Variants in RSRC1 observed in about 807,000 individuals in gnomAD.
RSRC1 encodes serine/Arginine-related protein 53.
RSRC1 carries 39 observed loss-of-function variants against 49.1 expected under a neutral mutation model. That is an observed-to-expected ratio of 0.79 (90% CI 0.61 to 1.04). The LOEUF (loss-of-function observed/expected upper bound fraction) is 1.04. Among genes scored for constraint, RSRC1 ranks in the 50% least tolerant of loss-of-function variants. The pLI, the probability that RSRC1 is intolerant of heterozygous loss-of-function variation, is 0.00. For synonymous variants in RSRC1, 143 were observed against 130.8 expected, an observed-to-expected ratio of 1.09 and a Z score of -0.63; for missense variants, 388 against 402.4, an observed-to-expected ratio of 0.96 and a Z score of 0.31.
At chr3:158,408,093 A>T (rs140745431) in intron 6 of RSRC1, among the ~76,000 whole-genome samples, 52 of 152,278 alleles carry the variant, frequency 3.4e-4, no homozygotes, top group African/African-American at 1.2e-3. Context: ...TCAGGGAATG[A>T]TATACAGTGT....
intron 6 of RSRC1, among the ~76,000 whole-genome samples, chr3:158,414,511 G>A (rs1382923327): frequency 6.6e-6 from 1 of 152,216 alleles, no homozygotes; most frequent in East Asian, 1.9e-4. Context: ...GTTTACCTGT[G>A]TAACAAACCT....
chr3:158,280,174 G>A (rs1476328517), intron 4 of RSRC1, among the ~76,000 whole-genome samples: 2 of 151,988 alleles, frequency 1.3e-5, no homozygotes, highest in Non-Finnish European at 2.9e-5. Flanking sequence ...CACCGAATTT[G>A]GAATGGTATT....
At chr3:158,542,057 G>GTA (rs1409049930) in intron 8 of RSRC1, among the ~76,000 whole-genome samples, 1 of 151,988 alleles carries the variant, frequency 6.6e-6, no homozygotes, top group Non-Finnish European at 1.5e-5. Context: ...AAGATACATC[G>GTA]TACCTTTTTT....
At chr3:158,192,747 G>A (rs1720319976) in intron 3 of RSRC1, among the ~76,000 whole-genome samples, 1 of 152,016 alleles carries the variant, frequency 6.6e-6, no homozygotes, top group Non-Finnish European at 1.5e-5. Context: ...TCAGGACTTG[G>A]ATGATAGGTG....
At chr3:158,450,442 G>A (rs550104573) in intron 6 of RSRC1, among the ~76,000 whole-genome samples, 1 of 151,112 alleles carries the variant, frequency 6.6e-6, no homozygotes, top group East Asian at 2.0e-4. Flanking sequence ...GGACGCATAT[G>A]GTGTTTGAGG....
intron 4 of RSRC1, among the ~76,000 whole-genome samples, chr3:158,256,783 C>A (rs1724585608): frequency 6.6e-6 from 1 of 152,100 alleles, no homozygotes; most frequent in Admixed American, 6.6e-5. Flanking sequence ...TCAAGTTCGT[C>A]CTGGTTTAGT....
chr3:158,221,345 T>C (rs1054924169), intron 4 of RSRC1, among the ~76,000 whole-genome samples: 8 of 151,498 alleles, frequency 5.3e-5, no homozygotes, highest in African/African-American at 1.9e-4. Flanking sequence ...TCTAGCTTTA[T>C]AGGCTGCTTT....
At chr3:158,410,105 T>C (rs1428346571) in intron 6 of RSRC1, among the ~76,000 whole-genome samples, 5 of 152,110 alleles carry the variant, frequency 3.3e-5, no homozygotes, top group Non-Finnish European at 7.4e-5. Context: ...GTAATGAAGT[T>C]ACTATTTTTT....
intron 4 of RSRC1, among the ~76,000 whole-genome samples, chr3:158,242,997 G>A (rs1156318847): frequency 1.3e-5 from 2 of 152,124 alleles, no homozygotes; most frequent in Non-Finnish European, 2.9e-5. Context: ...CATTCTGTAG[G>A]TTGTCTGTTT....
At chr3:158,272,685 A>G (rs1196241114) in intron 4 of RSRC1, among the ~76,000 whole-genome samples, 1 of 152,074 alleles carries the variant, frequency 6.6e-6, no homozygotes, top group African/African-American at 2.4e-5. Context: ...AAATAGTTGC[A>G]AAACAGAATA....
chr3:158,403,129 T>C (rs1255062459), intron 6 of RSRC1, among the ~76,000 whole-genome samples: 1 of 151,878 alleles, frequency 6.6e-6, no homozygotes. Flanking sequence ...TTTTAACTTC[T>C]AGTTTCTCTG....
chr3:158,177,698 C>T (rs911071377), intron 3 of RSRC1, among the ~76,000 whole-genome samples: 7 of 152,126 alleles, frequency 4.6e-5, no homozygotes, highest in Admixed American at 3.9e-4. Flanking sequence ...ATGTAAATGA[C>T]GAGTTGATGG....
At chr3:158,293,229 A>G (rs908787276) in intron 4 of RSRC1, among the ~76,000 whole-genome samples, 6 of 152,056 alleles carry the variant, frequency 3.9e-5, no homozygotes, top group Admixed American at 3.9e-4. Context: ...TAAGTCCCTG[A>G]CTCTCATATA....
intron 5 of RSRC1, among the ~76,000 whole-genome samples, chr3:158,334,706 A>C (rs1729784537): frequency 6.9e-6 from 1 of 144,326 alleles, no homozygotes; most frequent in African/African-American, 2.6e-5. Context: ...GTTTTAGTAG[A>C]GACAGGGTTT....
intron 6 of RSRC1, among the ~76,000 whole-genome samples, chr3:158,403,664 A>T (rs1054323707): frequency 6.6e-6 from 1 of 151,774 alleles, no homozygotes; most frequent in Non-Finnish European, 1.5e-5. Flanking sequence ...ATTTTAAATA[A>T]ATGAAAATTA....
intron 6 of RSRC1, among the ~76,000 whole-genome samples, chr3:158,426,612 A>G (rs566338132): frequency 6.6e-6 from 1 of 151,794 alleles, no homozygotes; most frequent in Non-Finnish European, 1.5e-5. Flanking sequence ...GCGTGGTATT[A>G]TAGTATTCTT....
intron 3 of RSRC1, among the ~76,000 whole-genome samples, chr3:158,174,560 T>C (rs1316778043): frequency 6.6e-6 from 1 of 151,990 alleles, no homozygotes; most frequent in Non-Finnish European, 1.5e-5. Context: ...AACATTATAC[T>C]GACTTCTAAA....
chr3:158,118,462 T>TGTGCGCGCGCGCGCGCGC (rs1491469875), intron 1 of RSRC1, among the ~76,000 whole-genome samples: 1 of 124,682 alleles, frequency 8.0e-6, no homozygotes, highest in Non-Finnish European at 1.6e-5. Context: ...TGTGTGTGTG[T>TGTGCGCGCGCGCGCGCGC]GCGCGTGCGC....
chr3:158,485,686 A>G (rs1395130032), intron 7 of RSRC1, among the ~76,000 whole-genome samples: 1 of 152,094 alleles, frequency 6.6e-6, no homozygotes, highest in Non-Finnish European at 1.5e-5. Flanking sequence ...TGCTATCTCA[A>G]AGTTACATTT....
Sources: allele counts gnomAD v4.1 joint callset (sites outside exome capture counted in the v4.1 genomes callset), GRCh38; gene constraint gnomAD v4.1.1; transcripts MANE v1.5; gene names NCBI Gene and HGNC (gene_info 2026-07-23, HGNC 2026-07-21).